Variants in GLI2 observed in about 807,000 individuals in gnomAD.
The protein encoded by GLI2 is transcription activator GLI2.
In GLI2, 22 loss-of-function variants were observed where a neutral mutation model predicts 78.9. The observed-to-expected ratio is 0.28, with a 90% CI of 0.20 to 0.40. The LOEUF is 0.40. Ranked by LOEUF, GLI2 falls within the 10% of genes least tolerant of loss-of-function variation. The pLI is 1.00. For synonymous variants in GLI2, 974 were observed against 963.7 expected, an observed-to-expected ratio of 1.01 and a Z score of -0.20; for missense variants, 2,097 against 2,213.2, an observed-to-expected ratio of 0.95 and a Z score of 1.05.
intron 5 of GLI2, among the ~76,000 whole-genome samples, chr2:120,960,273 G>A (rs1163936368): frequency 6.6e-6 from 1 of 152,164 alleles, no homozygotes; most frequent in East Asian, 1.9e-4. Context: ...TCCTTTCTCA[G>A]CACCTTCATT....
intron 2 of GLI2, among the ~76,000 whole-genome samples, chr2:120,860,118 G>C (rs1392906171): frequency 1.3e-5 from 2 of 152,190 alleles, no homozygotes; most frequent in Non-Finnish European, 2.9e-5. Context: ...TGGTGTGAGG[G>C]TGGATTGAAG....
At chr2:120,985,540 A>G (rs527976744) in intron 12 of GLI2, among the ~76,000 whole-genome samples, 1 of 152,342 alleles carries the variant, frequency 6.6e-6, no homozygotes, top group Non-Finnish European at 1.5e-5. Flanking sequence ...CCCTGCTCCC[A>G]TTAAGCCTGT....
chr2:120,988,448 G>A lies in GLI2; in HGVS notation c.2483G>A (p.Arg828His). 1.3e-6 allele frequency: 2 copies of A among 1,571,044 alleles called. No homozygotes were observed. The highest frequency in any genetic ancestry group is 1.7e-6 in the Non-Finnish European group (2 of 1,168,304). The change falls in exon 14 of 14, where the codon CGC (arginine) becomes CAC (histidine). Residue 828 changes from arginine (R) to histidine (H), a missense_variant. By Grantham distance (29) the Arg-to-His change is conservative. Transcript: ENST00000361492. ...GAGGCCTCGCCCCTGGGCGCCGGCC[G>A]CCCGCACAACGCGAGCTCCGCTGAC... The part of the protein sequence containing the change: ...SSEASPLGAG[R>H]PHNASSADSY...
intron 8 of GLI2, among the ~76,000 whole-genome samples, chr2:120,973,482 G>A (rs902340113): frequency 4.6e-5 from 7 of 152,218 alleles, no homozygotes; most frequent in African/African-American, 1.7e-4. Flanking sequence ...TTATCATGAG[G>A]AGGTTGTCCC....
Position 120,871,468 on chromosome 2 carries a change from ACT to A in GLI2, c.149-55890_149-55889del, listed in dbSNP as rs1196583861. The stretch of plus-strand genomic sequence containing the variant: ...ACCCATGCTCCCTCGTCCCCTCGCC[ACT>A]CTGTCCTGACACCTGGCTGGCCACA... On this transcript the variant is annotated intron_variant, in intron 2 of 13. Coordinates refer to ENST00000361492, the MANE Select transcript of GLI2 (RefSeq NM_001374353.1). Among the ~76,000 whole-genome samples the A allele has an allele frequency of 1.6e-4, 24 of 152,150 alleles. 1 individual carries two copies. The highest frequency in any genetic ancestry group is 3.2e-3 in the Middle Eastern group (1 of 316).
At chr2:120,913,790 T>C (rs768734443) in intron 2 of GLI2, among the ~76,000 whole-genome samples, 2 of 152,208 alleles carry the variant, frequency 1.3e-5, no homozygotes, top group African/African-American at 2.4e-5. Context: ...TAAAGGTCAT[T>C]GATTGTCTGT....
chr2:120,858,877 T>C (rs1369905766), intron 2 of GLI2, among the ~76,000 whole-genome samples: 1 of 152,220 alleles, frequency 6.6e-6, no homozygotes, highest in Non-Finnish European at 1.5e-5. Flanking sequence ...TGTTTCTTAA[T>C]GTAGGGCAGA....
At chr2:120,877,768 T>C (rs976037745) in intron 2 of GLI2, among the ~76,000 whole-genome samples, 1 of 152,206 alleles carries the variant, frequency 6.6e-6, no homozygotes, top group South Asian at 2.1e-4. Flanking sequence ...ACCAACGTTT[T>C]CTGATGTTGA....
intron 1 of GLI2, among the ~76,000 whole-genome samples, chr2:120,750,972 G>A (rs1004030699): frequency 9.8e-5 from 15 of 152,362 alleles, no homozygotes; most frequent in East Asian, 3.9e-4. Flanking sequence ...TCTCCAAAGC[G>A]GGCCTTCCAG....
chr2:120,981,068 A>G (rs535575505), intron 10 of GLI2, among the ~76,000 whole-genome samples: 119 of 152,196 alleles, frequency 7.8e-4, no homozygotes, highest in African/African-American at 2.8e-3. Flanking sequence ...TTTAGTAGAG[A>G]CGGGGTTTCA....
chr2:120,878,014 C>T (rs546006294), intron 2 of GLI2, among the ~76,000 whole-genome samples: 5 of 152,266 alleles, frequency 3.3e-5, no homozygotes, highest in East Asian at 3.9e-4. Flanking sequence ...TTTATTTTCT[C>T]GAACATTCTT....
At chr2:120,862,576 G>A (rs1687951521) in intron 2 of GLI2, among the ~76,000 whole-genome samples, 1 of 152,230 alleles carries the variant, frequency 6.6e-6, no homozygotes, top group African/African-American at 2.4e-5. Flanking sequence ...CGGAGCCCTT[G>A]TGGGTCCATC....
At chr2:120,888,667 T>A (rs961375521) in intron 2 of GLI2, among the ~76,000 whole-genome samples, 3 of 152,092 alleles carry the variant, frequency 2.0e-5, no homozygotes, top group Non-Finnish European at 2.9e-5. Context: ...TTCAGAGCAA[T>A]CAGGGATTTT....
intron 1 of GLI2, among the ~76,000 whole-genome samples, chr2:120,771,187 GC>G (rs1683510609): frequency 6.6e-6 from 1 of 152,236 alleles, no homozygotes; most frequent in Non-Finnish European, 1.5e-5. Context: ...GCATGAGGAG[GC>G]GGGCCGGCAC....
At chr2:120,886,791 A>G (rs1455977684) in intron 2 of GLI2, among the ~76,000 whole-genome samples, 3 of 152,182 alleles carry the variant, frequency 2.0e-5, no homozygotes, top group African/African-American at 7.2e-5. Flanking sequence ...GGCCCCAAGG[A>G]ACCCCAGACG....
At chr2:120,840,415 C>T (rs896637112) in intron 2 of GLI2, among the ~76,000 whole-genome samples, 3 of 152,134 alleles carry the variant, frequency 2.0e-5, no homozygotes, top group African/African-American at 7.2e-5. Context: ...TGCATGCACG[C>T]GTGTGCATGG....
intron 1 of GLI2, among the ~76,000 whole-genome samples, chr2:120,783,397 G>C (rs1558793726): frequency 6.6e-6 from 1 of 152,122 alleles, no homozygotes; most frequent in South Asian, 2.1e-4. Flanking sequence ...AGGCCACAGT[G>C]GGGGCTGGCA....
At chr2:120,927,218 T>TAC (rs1388478645) in intron 2 of GLI2, 143 bp from the exon 3 acceptor site, 4 of 750,646 alleles carry the variant, frequency 5.3e-6, no homozygotes, top group African/African-American at 1.7e-5. Flanking sequence ...CCTTCGTGGG[T>TAC]GTGTGATCGC....
At position 120,761,158 on chromosome 2, in the gene GLI2, G is replaced by A. The variant is rs1005841097; in HGVS notation, c.-31+24873G>A. 5.9e-5 allele frequency among the ~76,000 whole-genome samples: 9 copies of A among 152,328 alleles called. No individual in the cohort carries two copies. The East Asian group carries it at 1.2e-3, about 20-fold the overall frequency. On this transcript the variant is annotated intron_variant, in intron 1 of 13. Coordinates refer to ENST00000361492, the MANE Select transcript of GLI2 (RefSeq NM_001374353.1). ...AGGAAAAAGACAGGTGGCTAGGGAC[G>A]AAGATTACCTTGTTTACCAGACTCC...
Sources: allele counts gnomAD v4.1 joint callset (sites outside exome capture counted in the v4.1 genomes callset), GRCh38; gene constraint gnomAD v4.1.1; transcripts MANE v1.5; gene names NCBI Gene and HGNC (gene_info 2026-07-23, HGNC 2026-07-21).